The following SDK1 variants were observed in gnomAD, a reference collection of about 807,000 sequenced individuals.
SDK1 encodes sidekick cell adhesion molecule 1, also known as protein sidekick-1.
In SDK1, 157 loss-of-function variants were observed where a neutral mutation model predicts 245.5. The observed-to-expected ratio is 0.64, with a 90% confidence interval of 0.56 to 0.73. The LOEUF is 0.73. Among genes scored for constraint, SDK1 ranks in the 30% least tolerant of loss-of-function variants. SDK1 has a pLI of 0.00. For missense variants in SDK1, 3,583 were observed against 3,002.3 expected (o/e 1.19, Z -4.52); for synonymous variants, 1,647 against 1,278.5 (o/e 1.29, Z -6.15).
chr7:3,786,121 C>G (rs879601031), intron 4 of SDK1, among the ~76,000 whole-genome samples: 8 of 152,064 alleles, frequency 5.3e-5, no homozygotes, highest in Non-Finnish European at 1.2e-4. Context: ...CTTGTTTGTT[C>G]TCTTTCTTTT....
intron 1 of SDK1, among the ~76,000 whole-genome samples, chr7:3,497,369 T>G: frequency 6.6e-6 from 1 of 152,222 alleles, no homozygotes. Context: ...TGTACTCTTC[T>G]TTACCTTTTA....
intron 1 of SDK1, among the ~76,000 whole-genome samples, chr7:3,315,296 T>C (rs755926064): frequency 6.6e-6 from 1 of 152,204 alleles, no homozygotes; most frequent in Non-Finnish European, 1.5e-5. Flanking sequence ...TGCTAAGGCC[T>C]TCAAGTTATA....
At chr7:3,789,427 C>T (rs905427482) in intron 4 of SDK1, among the ~76,000 whole-genome samples, 31 of 152,330 alleles carry the variant, frequency 2.0e-4, no homozygotes, top group Middle Eastern at 3.4e-3. Flanking sequence ...GGATTACAGG[C>T]GTGAGCCACT....
At chr7:3,343,892 C>G (rs949497756) in intron 1 of SDK1, among the ~76,000 whole-genome samples, 8 of 151,752 alleles carry the variant, frequency 5.3e-5, no homozygotes, top group Admixed American at 2.0e-4. Context: ...GATATCAGAT[C>G]AGTTGAGACT....
chr7:3,466,476 A>G (rs1016286706), intron 1 of SDK1, among the ~76,000 whole-genome samples: 2 of 145,138 alleles, frequency 1.4e-5, no homozygotes, highest in East Asian at 2.0e-4. Context: ...CCTAATCTCA[A>G]GGATCCAGCT....
At chr7:3,848,393 T>G (rs1443937026) in intron 5 of SDK1, among the ~76,000 whole-genome samples, 1 of 152,118 alleles carries the variant, frequency 6.6e-6, no homozygotes, top group East Asian at 1.9e-4. Flanking sequence ...CTTACGTCCT[T>G]CAGATGCAGG....
At chr7:4,092,306 G>A (rs997176380) in intron 22 of SDK1, among the ~76,000 whole-genome samples, 6 of 152,086 alleles carry the variant, frequency 3.9e-5, no homozygotes, top group African/African-American at 2.4e-5. Flanking sequence ...CTCTGTGCTC[G>A]CCTACCCCCT....
chr7:3,644,724 G>A (rs528620896), intron 4 of SDK1, among the ~76,000 whole-genome samples: 93 of 135,744 alleles, frequency 6.9e-4, no homozygotes, highest in South Asian at 4.7e-3. Flanking sequence ...AGTGAGCTAC[G>A]ATGGTGCCAC....
intron 28 of SDK1, among the ~76,000 whole-genome samples, chr7:4,142,769 C>T (rs990326310): frequency 5.3e-5 from 8 of 152,230 alleles, no homozygotes; most frequent in African/African-American, 1.9e-4. Flanking sequence ...GGCTGCTTTG[C>T]ACTCTTTACC....
At chr7:4,168,334 C>T (rs911393604) in intron 32 of SDK1, among the ~76,000 whole-genome samples, 9 of 152,216 alleles carry the variant, frequency 5.9e-5, no homozygotes, top group South Asian at 2.1e-4. Flanking sequence ...GGCCCCAGCC[C>T]GGTGGCTGAC....
intron 1 of SDK1, among the ~76,000 whole-genome samples, chr7:3,324,498 A>G (rs1562414612): frequency 6.6e-6 from 1 of 152,166 alleles, no homozygotes; most frequent in Non-Finnish European, 1.5e-5. Flanking sequence ...TAGGATAAGA[A>G]TAGGAGGTGG....
At chr7:3,638,968 A>C in intron 2 of SDK1, 36 bp from the exon 3 acceptor site, 1 of 1,300,712 alleles carries the variant, frequency 7.7e-7, no homozygotes, top group East Asian at 2.4e-5. Context: ...GAAACACTGG[A>C]TATAAGCATT....
At chr7:3,351,806 A>G (rs982077684) in intron 1 of SDK1, among the ~76,000 whole-genome samples, 1 of 152,148 alleles carries the variant, frequency 6.6e-6, no homozygotes, top group Non-Finnish European at 1.5e-5. Context: ...AAGTTAACAT[A>G]CCTTTCTGAA....
At chr7:3,690,204 C>T (rs952858136) in intron 4 of SDK1, among the ~76,000 whole-genome samples, 15 of 152,124 alleles carry the variant, frequency 9.9e-5, no homozygotes, top group Admixed American at 1.3e-4. Flanking sequence ...CTCATCACGA[C>T]GCTAATGTTT....
intron 30 of SDK1, among the ~76,000 whole-genome samples, chr7:4,156,961 G>A (rs140063121): frequency 2.0e-5 from 3 of 152,304 alleles, no homozygotes; most frequent in Non-Finnish European, 4.4e-5. Flanking sequence ...GAGGCACCCC[G>A]AGTTTTCTGG....
chr7:3,405,814 C>CTTTTTTTTTTTTTTTTT (rs534692477), intron 1 of SDK1, among the ~76,000 whole-genome samples: 1 of 125,392 alleles, frequency 8.0e-6, no homozygotes, highest in Non-Finnish European at 1.7e-5. Flanking sequence ...TTCTTTCTTT[C>CTTTTTTTTTTTTTTTTT]TTTTTTTTTT....
At chr7:3,716,484 G>A (rs1178505694) in intron 4 of SDK1, among the ~76,000 whole-genome samples, 9 of 152,190 alleles carry the variant, frequency 5.9e-5, no homozygotes, top group South Asian at 2.1e-4. Context: ...GTGTTATCAC[G>A]TGTAATATCA....
At chr7:3,822,081 A>T (rs73310035) in intron 5 of SDK1, among the ~76,000 whole-genome samples, 5 of 152,212 alleles carry the variant, frequency 3.3e-5, no homozygotes, top group African/African-American at 7.2e-5. Context: ...CTTGAAGACA[A>T]TGCACACAAA....
At chr7:3,425,875 CA>C (rs1325190694) in intron 1 of SDK1, among the ~76,000 whole-genome samples, 1 of 152,074 alleles carries the variant, frequency 6.6e-6, no homozygotes, top group Admixed American at 6.5e-5. Flanking sequence ...TTTCTAAAAA[CA>C]AAAGATAAGA....
Sources: allele counts gnomAD v4.1 joint callset (sites outside exome capture counted in the v4.1 genomes callset), GRCh38; gene constraint gnomAD v4.1.1; transcripts MANE v1.5; gene names NCBI Gene and HGNC (gene_info 2026-07-23, HGNC 2026-07-21).